The following EHMT1 variants were observed in gnomAD, a reference collection of about 807,000 sequenced individuals.
EHMT1 encodes euchromatic histone lysine methyltransferase 1, also known as histone-lysine N-methyltransferase EHMT1.
Under a neutral mutation model 147.2 loss-of-function variants are expected in EHMT1, and 15 were observed. The observed-to-expected ratio is 0.10, with a 90% CI of 0.07 to 0.16. The LOEUF is 0.16. EHMT1 is among the 10% of genes least tolerant of loss of function. The pLI, the probability that EHMT1 is intolerant of heterozygous loss-of-function variation, is 1.00. For missense variants in EHMT1, 1,587 were observed against 1,772.4 expected, an observed-to-expected ratio of 0.90 and a Z score of 1.88; for synonymous variants, 795 against 709.6, an observed-to-expected ratio of 1.12 and a Z score of -1.91.
chr9:137,659,357 A>C (rs967576824), intron 1 of EHMT1, among the ~76,000 whole-genome samples: 7 of 151,620 alleles, frequency 4.6e-5, no homozygotes, highest in African/African-American at 1.7e-4. Flanking sequence ...GTGTATTATG[A>C]ATATAGTCTC....
At chr9:137,831,335 C>T (rs919784423) in intron 25 of EHMT1, among the ~76,000 whole-genome samples, 5 of 151,906 alleles carry the variant, frequency 3.3e-5, no homozygotes, top group East Asian at 3.9e-4. Context: ...ACCTTTCTCC[C>T]GACAGGATTT....
At chr9:137,647,970 T>A (rs747972083) in intron 1 of EHMT1, among the ~76,000 whole-genome samples, 3 of 152,196 alleles carry the variant, frequency 2.0e-5, no homozygotes, top group Non-Finnish European at 4.4e-5. Context: ...TTGCATTGAC[T>A]GTATGCTGGG....
At chr9:137,810,308 C>T (rs143476769) in intron 18 of EHMT1, among the ~76,000 whole-genome samples, 161 of 150,952 alleles carry the variant, frequency 1.1e-3, no homozygotes, top group Non-Finnish European at 1.4e-3. Flanking sequence ...GCTCCTCGCA[C>T]GGCGCCAACT....
At chr9:137,796,455 A>G (rs1215853791) in intron 16 of EHMT1, among the ~76,000 whole-genome samples, 1 of 152,212 alleles carries the variant, frequency 6.6e-6, no homozygotes, top group African/African-American at 2.4e-5. Context: ...CTGTAATCCC[A>G]GCACTTTGGG....
intron 4 of EHMT1, among the ~76,000 whole-genome samples, chr9:137,741,305 C>T (rs950859299): frequency 2.0e-5 from 3 of 152,080 alleles, no homozygotes; most frequent in Non-Finnish European, 2.9e-5. Flanking sequence ...ACATGAAATG[C>T]AGGGTTATCT....
chr9:137,817,657 C>A, intron 24 of EHMT1, 132 bp downstream of exon 24: 1 of 1,183,060 alleles, frequency 8.5e-7, no homozygotes. Flanking sequence ...GTGGGGGCCA[C>A]AGAGACCCTG....
chr9:137,720,136 C>A (rs1346789454), intron 3 of EHMT1, among the ~76,000 whole-genome samples: 1 of 142,416 alleles, frequency 7.0e-6, no homozygotes, highest in African/African-American at 2.6e-5. Context: ...AGGTGCCGAA[C>A]CCCCTCCACA....
chr9:137,692,598 T>G (rs892212370), intron 1 of EHMT1, among the ~76,000 whole-genome samples: 6 of 152,138 alleles, frequency 3.9e-5, no homozygotes, highest in African/African-American at 9.7e-5. Context: ...CTTTTTCTTT[T>G]TACTTAGAAA....
intron 1 of EHMT1, among the ~76,000 whole-genome samples, chr9:137,634,550 G>A (rs1436555391): frequency 6.6e-6 from 1 of 152,140 alleles, no homozygotes; most frequent in African/African-American, 2.4e-5. Context: ...GTTTTGTAAT[G>A]AGGAAATGTG....
intron 1 of EHMT1, among the ~76,000 whole-genome samples, chr9:137,686,330 T>G (rs1342348453): frequency 6.6e-6 from 1 of 152,168 alleles, no homozygotes; most frequent in Admixed American, 6.5e-5. Flanking sequence ...TGTAAGAGTT[T>G]TATAGTTTTA....
chr9:137,833,916 G>T (rs915114106), intron 25 of EHMT1, among the ~76,000 whole-genome samples: 3 of 152,208 alleles, frequency 2.0e-5, no homozygotes, highest in South Asian at 4.1e-4. Flanking sequence ...AGTGTGTCCC[G>T]GATGCCAGCT....
At chr9:137,702,130 A>G (rs183229994) in intron 1 of EHMT1, among the ~76,000 whole-genome samples, 4 of 152,194 alleles carry the variant, frequency 2.6e-5, no homozygotes, top group East Asian at 1.9e-4. Context: ...GGGTTTCACC[A>G]TGTTGGTCAG....
chr9:137,711,303 T>C (rs1395012332), intron 2 of EHMT1, among the ~76,000 whole-genome samples: 1 of 152,008 alleles, frequency 6.6e-6, no homozygotes, highest in African/African-American at 2.4e-5. Context: ...TAAAAGTGAG[T>C]GGCCACACAA....
chr9:137,733,632 A>C (rs988298636), intron 4 of EHMT1, among the ~76,000 whole-genome samples: 5 of 152,212 alleles, frequency 3.3e-5, no homozygotes, highest in African/African-American at 1.2e-4. Flanking sequence ...TGTGGGAGCC[A>C]GGGTGAGCAA....
chr9:137,778,422 T>C (rs1951125076), intron 13 of EHMT1, among the ~76,000 whole-genome samples: 2 of 152,212 alleles, frequency 1.3e-5, no homozygotes, highest in African/African-American at 4.8e-5. Flanking sequence ...AATGCGAGGG[T>C]TGGGCCAAGG....
At chr9:137,712,791 T>G (rs1300644172) in intron 2 of EHMT1, among the ~76,000 whole-genome samples, 1 of 152,214 alleles carries the variant, frequency 6.6e-6, no homozygotes, top group African/African-American at 2.4e-5. Flanking sequence ...CCGACTTACC[T>G]GTTTTTTTCC....
intron 1 of EHMT1, chr9:137,665,919 C>G (rs1232197693): frequency 6.6e-6 from 1 of 152,216 alleles, no homozygotes. Context: ...CTGGAGCATG[C>G]CCAGTGCGTG....
At chr9:137,761,736 C>T (rs756601561) in intron 9 of EHMT1, among the ~76,000 whole-genome samples, 1 of 152,184 alleles carries the variant, frequency 6.6e-6, no homozygotes, top group South Asian at 2.1e-4. Context: ...GGATTACAGG[C>T]GTGAGCCACC....
chr9:137,712,500 C>T (rs550275344), intron 2 of EHMT1, among the ~76,000 whole-genome samples: 1 of 152,308 alleles, frequency 6.6e-6, no homozygotes, highest in Non-Finnish European at 1.5e-5. Context: ...GAAGTGGCAT[C>T]TCATTGTGGT....
Sources: gnomAD v4.1 joint callset for allele counts (sites outside exome capture counted in the v4.1 genomes callset) on GRCh38, gnomAD v4.1.1 for gene constraint, MANE v1.5 for transcripts, NCBI Gene and HGNC (gene_info 2026-07-23, HGNC 2026-07-21) for gene names.